Variants in ZNG1C observed in about 807,000 individuals in gnomAD.
The protein encoded by ZNG1C is Zn regulated GTPase metalloprotein activator 1C.
chr9:68,296,456 A>G, the ZNG1C span, among the ~76,000 whole-genome samples: 1 of 152,128 alleles, frequency 6.6e-6, no homozygotes, highest in Non-Finnish European at 1.5e-5. Context: ...TAACCTATGG[A>G]AAGAAAGAAA....
At chr9:68,245,584 A>G in the ZNG1C span, among the ~76,000 whole-genome samples, 502 of 70,874 alleles carry the variant, frequency 7.1e-3, 12 homozygotes, top group African/African-American at 0.024. Context: ...TAGACATATG[A>G]AAAAACGTTT....
chr9:68,265,203 A>AT, the ZNG1C span, among the ~76,000 whole-genome samples: 1 of 147,464 alleles, frequency 6.8e-6, no homozygotes, highest in Non-Finnish European at 1.5e-5. Flanking sequence ...GAACTTAAGT[A>AT]TTTTTGTAAC....
chr9:68,264,855 A>ATATATATATATATATATATG, the ZNG1C span, among the ~76,000 whole-genome samples: 6 of 72,240 alleles, frequency 8.3e-5, no homozygotes, highest in African/African-American at 3.1e-4. Flanking sequence ...ATATATATAT[A>ATATATATATATATATATATG]TGTATAATAA....
the ZNG1C span, chr9:68,285,370 C>T: frequency 6.9e-6 from 1 of 145,602 alleles, no homozygotes; most frequent in African/African-American, 2.6e-5. Context: ...GAAATGTATG[C>T]TACAGTTATT....
chr9:68,282,028 G>A, the ZNG1C span, among the ~76,000 whole-genome samples: 2 of 145,630 alleles, frequency 1.4e-5, no homozygotes, highest in East Asian at 4.1e-4. Flanking sequence ...TTTGCTTAAG[G>A]GTAGGCATAG....
At chr9:68,297,100 G>A in the ZNG1C span, among the ~76,000 whole-genome samples, 1 of 149,262 alleles carries the variant, frequency 6.7e-6, no homozygotes, top group Non-Finnish European at 1.5e-5. Flanking sequence ...TCCTGGCTCT[G>A]GGTAGCTTAT....
chr9:68,274,397 C>T, the ZNG1C span: 1 of 169,410 alleles, frequency 5.9e-6, no homozygotes, highest in Non-Finnish European at 1.3e-5. Context: ...AATCAAATCA[C>T]GTGACGATCA....
the ZNG1C span, among the ~76,000 whole-genome samples, chr9:68,284,774 G>A: frequency 6.8e-6 from 1 of 146,836 alleles, no homozygotes; most frequent in African/African-American, 2.5e-5. Context: ...ATGAGTTTCA[G>A]GTTTTGATAG....
At chr9:68,279,534 C>T in the ZNG1C span, among the ~76,000 whole-genome samples, 1 of 142,496 alleles carries the variant, frequency 7.0e-6, no homozygotes. Flanking sequence ...ATTTGCTTGT[C>T]TGTAAAGTAT....
At chr9:68,295,581 A>T in the ZNG1C span, among the ~76,000 whole-genome samples, 1 of 144,450 alleles carries the variant, frequency 6.9e-6, no homozygotes, top group Non-Finnish European at 1.6e-5. Flanking sequence ...GAAAAAGAAC[A>T]AATATCCAGA....
At chr9:68,250,593 G>GCA in the ZNG1C span, 23 of 6,480 alleles carry the variant, frequency 3.5e-3, no homozygotes, top group South Asian at 0.015. Context: ...ACATGCACAC[G>GCA]CACACACACA....
the ZNG1C span, among the ~76,000 whole-genome samples, chr9:68,282,458 G>GT: frequency 6.2e-3 from 212 of 33,944 alleles, 1 homozygote; most frequent in African/African-American, 0.019. Flanking sequence ...CTTTCAACTA[G>GT]TTTTTTTTTC....
chr9:68,287,419 CAAAGATATA>C, the ZNG1C span, among the ~76,000 whole-genome samples: 1 of 151,846 alleles, frequency 6.6e-6, no homozygotes, highest in Non-Finnish European at 1.5e-5. Context: ...TGGAAGATTT[CAAAGATATA>C]AAAGAATAAA....
chr9:68,271,525 T>A, the ZNG1C span, among the ~76,000 whole-genome samples: 2 of 91,154 alleles, frequency 2.2e-5, no homozygotes, highest in African/African-American at 4.3e-5. Context: ...TGAAAAAGAG[T>A]CAGGAAAATA....
At chr9:68,247,248 A>T in the ZNG1C span, among the ~76,000 whole-genome samples, 1 of 151,796 alleles carries the variant, frequency 6.6e-6, no homozygotes, top group Admixed American at 6.6e-5. Flanking sequence ...GTCTCTTAAG[A>T]GGTTGAAGGG....
chr9:68,292,081 A>C, the ZNG1C span, among the ~76,000 whole-genome samples: 1 of 152,054 alleles, frequency 6.6e-6, no homozygotes, highest in Non-Finnish European at 1.5e-5. Context: ...GAAGAGAGAG[A>C]GCAATCACTA....
the ZNG1C span, among the ~76,000 whole-genome samples, chr9:68,267,412 T>TGGG: frequency 1.7e-5 from 2 of 115,564 alleles, no homozygotes; most frequent in African/African-American, 6.7e-5. Context: ...TGCCTAGTGT[T>TGGG]GAAGATCACA....
the ZNG1C span, chr9:68,299,283 T>G: frequency 7.2e-7 from 1 of 1,390,104 alleles, no homozygotes; most frequent in Non-Finnish European, 9.6e-7. Flanking sequence ...CTTCTTCAAT[T>G]TTAGAAAAGT....
chr9:68,250,978 C>G, the ZNG1C span: 4 of 307,770 alleles, frequency 1.3e-5, no homozygotes, highest in South Asian at 1.1e-4. Flanking sequence ...GGCCTGTAGT[C>G]CCAGCTACTT....
Sources: gnomAD v4.1 joint callset for allele counts (sites outside exome capture counted in the v4.1 genomes callset) on GRCh38, gnomAD v4.1.1 for gene constraint, MANE v1.5 for transcripts, NCBI Gene and HGNC (gene_info 2026-07-23, HGNC 2026-07-21) for gene names.